RNF11: variants seen among roughly 807,000 people sequenced by gnomAD.
RNF11 encodes the protein ring finger protein 11.
A neutral mutation model predicts 15.8 loss-of-function variants in RNF11; 4 were observed. The observed-to-expected ratio is 0.25, with a 90% CI of 0.12 to 0.58. The LOEUF (loss-of-function observed/expected upper bound fraction) is 0.58. RNF11 is among the 20% of genes least tolerant of loss of function. RNF11 has a pLI of 0.91. For synonymous variants in RNF11, 68 were observed against 72.3 expected, an observed-to-expected ratio of 0.94 and a Z score of 0.30; for missense variants, 139 against 194.4, an observed-to-expected ratio of 0.71 and a Z score of 1.70.
intron 1 of RNF11, among the ~76,000 whole-genome samples, chr1:51,252,081 C>CAAAAAAAAAAA (rs928146865): frequency 5.1e-4 from 27 of 53,456 alleles, no homozygotes; most frequent in African/African-American, 8.5e-4. Flanking sequence ...CATCTCAAAG[C>CAAAAAAAAAAA]AAAAAAAAAA....
chr1:51,267,975 C>T (rs1646962341), intron 1 of RNF11, among the ~76,000 whole-genome samples: 1 of 152,204 alleles, frequency 6.6e-6, no homozygotes, highest in African/African-American at 2.4e-5. Context: ...AGGTGATACG[C>T]CTGCCTCGGC....
chr1:51,257,813 T>C (rs902446758), intron 1 of RNF11, among the ~76,000 whole-genome samples: 1 of 151,778 alleles, frequency 6.6e-6, no homozygotes, highest in Non-Finnish European at 1.5e-5. Flanking sequence ...ATTGTGGTTT[T>C]TGATTTGCAT....
chr1:51,245,999 C>T (rs1646850119), intron 1 of RNF11, among the ~76,000 whole-genome samples: 1 of 152,196 alleles, frequency 6.6e-6, no homozygotes, highest in Non-Finnish European at 1.5e-5. Context: ...GGCACAGTGG[C>T]TCACACCTGT....
chr1:51,268,644 T>C (rs1267483817), intron 1 of RNF11, among the ~76,000 whole-genome samples: 1 of 152,222 alleles, frequency 6.6e-6, no homozygotes, highest in Non-Finnish European at 1.5e-5. Context: ...AGAGACCCTT[T>C]ATATTATCTT....
chr1:51,273,355 T>C lies in RNF11; in HGVS notation c.*2033T>C, dbSNP rs1646989168. On this transcript the variant is annotated 3_prime_UTR_variant, in exon 3 of 3. Coordinates refer to ENST00000242719, the MANE Select transcript of RNF11 (RefSeq NM_014372.5). Reference sequence around the variant, plus strand: ...CTAGCATTGGGCAGAATGTGTCTTTTTTAGGCACTTTATATTCTCAACATA... The same window carrying C: ...CTAGCATTGGGCAGAATGTGTCTTTCTTAGGCACTTTATATTCTCAACATA... 3 of 152,328 alleles carry C rather than the reference T, an allele frequency of 2.0e-5. No homozygotes were observed. In the South Asian group the frequency reaches 6.2e-4, roughly 32 times the overall value. 9.4% of individuals were successfully genotyped at this position (152,328 alleles called of 1,614,324 possible).
chr1:51,258,398 A>C (rs1267619150), intron 1 of RNF11, among the ~76,000 whole-genome samples: 4 of 152,212 alleles, frequency 2.6e-5, no homozygotes, highest in African/African-American at 9.6e-5. Context: ...CTGCACAGTG[A>C]GGCAGAAAAT....
At chr1:51,245,086 A>ATGTCTCTG (rs1646845873) in intron 1 of RNF11, among the ~76,000 whole-genome samples, 1 of 152,204 alleles carries the variant, frequency 6.6e-6, no homozygotes, top group African/African-American at 2.4e-5. Context: ...TTTGAGACAT[A>ATGTCTCTG]ATCTTACTCT....
intron 1 of RNF11, among the ~76,000 whole-genome samples, chr1:51,269,551 C>T (rs889273136): frequency 1.2e-4 from 19 of 152,202 alleles, no homozygotes; most frequent in Non-Finnish European, 2.6e-4. Flanking sequence ...TGTAGGCAAG[C>T]TTGGTCCTAT....
chr1:51,259,630 G>A (rs1158285018), intron 1 of RNF11, among the ~76,000 whole-genome samples: 1 of 152,064 alleles, frequency 6.6e-6, no homozygotes, highest in African/African-American at 2.4e-5. Context: ...AAATTTCCTA[G>A]ACTACCTCTT....
At position 51,272,942 on chromosome 1, in the gene RNF11, A is replaced by T. The variant is rs1646986644; in HGVS notation, c.*1620A>T. 1 of 152,168 alleles carries T rather than the reference A, an allele frequency of 6.6e-6. No homozygotes were observed. Among genetic ancestry groups the T allele is most frequent in the Non-Finnish European group, 1.5e-5 (1 of 67,988 alleles). The allele number at this position is 152,168 out of a possible 1,614,324, so 9.4% of individuals were successfully genotyped here. On this transcript the variant is annotated 3_prime_UTR_variant, in exon 3 of 3. Coordinates refer to ENST00000242719, the MANE Select transcript of RNF11 (RefSeq NM_014372.5). ...CAACTGTAGTATCCATATGTTGCTTAAATTTCCTTATGAGCCCCATGATGG... is the reference window on the plus strand; with the variant it reads ...CAACTGTAGTATCCATATGTTGCTTTAATTTCCTTATGAGCCCCATGATGG...
intron 1 of RNF11, chr1:51,250,988 G>C (rs377401726): frequency 5.0e-6 from 7 of 1,389,380 alleles, no homozygotes; most frequent in Non-Finnish European, 6.0e-6. Context: ...CTCTGCGCAC[G>C]GGGACAATGG....
chr1:51,260,725 TCTGCC>T (rs1646927312), intron 1 of RNF11, among the ~76,000 whole-genome samples: 1 of 152,144 alleles, frequency 6.6e-6, no homozygotes, highest in African/African-American at 2.4e-5. Context: ...TGTTAGTGTG[TCTGCC>T]CTTAAACTAC....
intron 1 of RNF11, among the ~76,000 whole-genome samples, chr1:51,266,456 T>C (rs1230260787): frequency 1.3e-5 from 2 of 152,130 alleles, no homozygotes; most frequent in East Asian, 3.8e-4. Flanking sequence ...TGTTATTTAA[T>C]CCAAATCATT....
chr1:51,262,599 G>T (rs1646935359), intron 1 of RNF11, among the ~76,000 whole-genome samples: 1 of 151,960 alleles, frequency 6.6e-6, no homozygotes, highest in African/African-American at 2.4e-5. Flanking sequence ...CTAGACTGGA[G>T]TGCAGCAGCA....
At position 51,271,325 on chromosome 1, in the gene RNF11, C is replaced by A. The variant is rs1388897084; in HGVS notation, c.*3C>A. On this transcript the variant is annotated 3_prime_UTR_variant, in exon 3 of 3. Coordinates refer to ENST00000242719, the MANE Select transcript of RNF11 (RefSeq NM_014372.5). The stretch of plus-strand genomic sequence containing the variant: ...TTTCATCCTATGAGACTAATTGAGC[C>A]AGGGTCTCTTATCTGACTTCAAGTG... 6.2e-7 allele frequency: 1 copy of A among 1,607,780 alleles called. No homozygotes were observed. The highest frequency in any genetic ancestry group is 8.5e-7 in the Non-Finnish European group (1 of 1,175,828).
At position 51,236,665 on chromosome 1, in the gene RNF11, C is replaced by A. The variant is rs1398759349; in HGVS notation, c.-92C>A. 1.9e-6 allele frequency: 3 copies of A among 1,552,642 alleles called. No individual in the cohort carries two copies. The highest frequency in any genetic ancestry group is 2.6e-6 in the Non-Finnish European group (3 of 1,137,760). ...CCTGATCCCCGGCCTGTCGCCCGAC[C>A]CCACCTCGCCAACCGAGGCGGACCG... On this transcript the variant is annotated 5_prime_UTR_variant, in exon 1 of 3. Coordinates refer to ENST00000242719, the MANE Select transcript of RNF11 (RefSeq NM_014372.5).
chr1:51,248,378 G>C (rs1327522169), intron 1 of RNF11, among the ~76,000 whole-genome samples: 1 of 151,834 alleles, frequency 6.6e-6, no homozygotes, highest in Non-Finnish European at 1.5e-5. Flanking sequence ...GGCTAATTTT[G>C]TATTTTTAGT....
chr1:51,251,130 C>A, intron 1 of RNF11: 1 of 1,553,444 alleles, frequency 6.4e-7, no homozygotes, highest in Non-Finnish European at 8.7e-7. Flanking sequence ...CTGGCCAGCA[C>A]GGGTCTGCGT....
chr1:51,265,575 T>C (rs72898432), intron 1 of RNF11, among the ~76,000 whole-genome samples: 3,205 of 152,334 alleles, frequency 0.021, 94 homozygotes, highest in African/African-American at 0.065. Flanking sequence ...TTTAAATTTA[T>C]TTGAAATTTG....
Sources: gnomAD v4.1 joint callset for allele counts (sites outside exome capture counted in the v4.1 genomes callset) on GRCh38, gnomAD v4.1.1 for gene constraint, MANE v1.5 for transcripts, NCBI Gene and HGNC (gene_info 2026-07-23, HGNC 2026-07-21) for gene names.